Variants in ZFP1 observed in about 807,000 individuals in gnomAD.
ZFP1 encodes the protein ZFP1 zinc finger protein.
Under a neutral mutation model 38.5 loss-of-function variants are expected in ZFP1, and 32 were observed. The observed-to-expected ratio is 0.83, with a 90% CI of 0.63 to 1.12. ZFP1 has a LOEUF of 1.12. Ranked by LOEUF, ZFP1 falls within the 50% of genes most tolerant of loss-of-function variation. The probability of loss-of-function intolerance (pLI) is 0.00; values close to 1 mark genes in which losing one functional copy is unlikely to be tolerated. For synonymous variants in ZFP1, 245 were observed against 168.8 expected (o/e 1.45, Z -3.50); for missense variants, 616 against 480.8 (o/e 1.28, Z -2.63).
intron 2 of ZFP1, among the ~76,000 whole-genome samples, chr16:75,158,348 T>G (rs1408193425): frequency 6.6e-6 from 1 of 151,654 alleles, no homozygotes; most frequent in Non-Finnish European, 1.5e-5. Context: ...TTTTTTTTTT[T>G]TAATTTTTTT....
At chr16:75,119,400 C>CT in the ZFP1 span, among the ~76,000 whole-genome samples, 3,686 of 148,888 alleles carry the variant, frequency 0.025, 103 homozygotes, top group African/African-American at 0.066. Flanking sequence ...TACAACTCCT[C>CT]TTTTTTTTTT....
chr16:75,153,766 A>G (rs2037329801), intron 2 of ZFP1, among the ~76,000 whole-genome samples: 1 of 152,216 alleles, frequency 6.6e-6, no homozygotes, highest in South Asian at 2.1e-4. Context: ...TTTGACCAAT[A>G]TATAATGACA....
chr16:75,145,934 C>T (rs572047741), upstream of ZFP1, among the ~76,000 whole-genome samples: 4 of 152,296 alleles, frequency 2.6e-5, no homozygotes, highest in East Asian at 7.7e-4. Context: ...TGGATGGCAA[C>T]TGCTAGAAGA....
chr16:75,144,354 A>G (rs1597021320), upstream of ZFP1, among the ~76,000 whole-genome samples: 1 of 152,224 alleles, frequency 6.6e-6, no homozygotes, highest in African/African-American at 2.4e-5. Context: ...TCAATGAAAT[A>G]ACCCCCACGT....
intron 2 of ZFP1, among the ~76,000 whole-genome samples, chr16:75,154,025 T>A (rs914894402): frequency 6.6e-6 from 1 of 152,192 alleles, no homozygotes; most frequent in African/African-American, 2.4e-5. Flanking sequence ...AAGACAATGC[T>A]GGCCAACACG....
the ZFP1 span, among the ~76,000 whole-genome samples, chr16:75,125,535 A>G: frequency 1.4e-4 from 21 of 151,946 alleles, no homozygotes; most frequent in Admixed American, 9.8e-4. Context: ...TGTTTGTCAG[A>G]CTGGTCTTGA....
chr16:75,148,747 A>C (rs1475900144), intron 1 of ZFP1, 104 bp downstream of exon 1: 1 of 152,164 alleles, frequency 6.6e-6, no homozygotes, highest in Non-Finnish European at 1.5e-5. Context: ...AACTTCGGCT[A>C]CTCGTAGGCG....
At chr16:75,162,628 G>A (rs1344143021) in intron 2 of ZFP1, among the ~76,000 whole-genome samples, 1 of 152,170 alleles carries the variant, frequency 6.6e-6, no homozygotes, top group Non-Finnish European at 1.5e-5. Context: ...TCACCAAGTA[G>A]TGAGAATAGT....
chr16:75,166,367 G>A (rs887478005), intron 2 of ZFP1, among the ~76,000 whole-genome samples: 2 of 152,152 alleles, frequency 1.3e-5, no homozygotes, highest in Non-Finnish European at 2.9e-5. Flanking sequence ...CCACGTAGCT[G>A]GGAGTACAGG....
the ZFP1 span, among the ~76,000 whole-genome samples, chr16:75,135,271 A>G: frequency 4.6e-4 from 24 of 51,642 alleles, no homozygotes; most frequent in African/African-American, 1.9e-3. Flanking sequence ...ACTCATTCAT[A>G]CAGTGGAACG....
the ZFP1 span, among the ~76,000 whole-genome samples, chr16:75,133,168 G>A: frequency 7.0e-6 from 1 of 143,094 alleles, no homozygotes; most frequent in African/African-American, 2.6e-5. Flanking sequence ...GTAGAGACAG[G>A]GTTTCGCCAT....
Position 75,166,785 on chromosome 16 carries a change from A to C in ZFP1, c.31A>C (p.Thr11Pro). Reference sequence around the variant, plus strand: ...GCCATTTCAGGGATCAGTTTCATTCACGGATGTGACTGTGGACTTTACCCA... The same window carrying C: ...GCCATTTCAGGGATCAGTTTCATTCCCGGATGTGACTGTGGACTTTACCCA... Reference protein sequence around the residue: MNKSQGSVSFTDVTVDFTQEE... With the variant: MNKSQGSVSFPDVTVDFTQEE... The change falls in exon 3 of 4, where the codon ACG becomes CCG. Residue 11 changes from threonine to proline, a missense_variant. By Grantham distance (38) the Thr-to-Pro change is conservative. Transcript: ENST00000570010. 1 of 1,614,194 alleles carries C rather than the reference A, an allele frequency of 6.2e-7. No individual in the cohort carries two copies. The highest frequency in any genetic ancestry group is 2.2e-5 in the East Asian group (1 of 44,878).
intron 3 of ZFP1, among the ~76,000 whole-genome samples, chr16:75,168,874 A>G (rs2038251993): frequency 6.6e-6 from 1 of 152,160 alleles, no homozygotes; most frequent in African/African-American, 2.4e-5. Flanking sequence ...TCATCTGCTT[A>G]CTTTCTCGGT....
In ZFP1 at chr16:75,169,554, A is replaced by G. The variant is rs1425949274; in HGVS notation, c.444A>G (p.Lys148=). 2.5e-6 allele frequency: 4 copies of G among 1,612,010 alleles called. No homozygotes were observed. The highest frequency in any genetic ancestry group is 1.3e-5 in the African/African-American group (1 of 74,722). The part of the protein sequence containing the change: ...GKALLYLKQE[K]THSGVEYSEY... ...CACTTCTCTACCTGAAGCAAGAGAAAACCCACAGTGGAGTAGAATATTCTG... is the reference window on the plus strand; with the variant it reads ...CACTTCTCTACCTGAAGCAAGAGAAGACCCACAGTGGAGTAGAATATTCTG... The change falls in exon 4 of 4, where the codon AAA becomes AAG. Residue 148 remains lysine, a synonymous_variant. Transcript: ENST00000570010.
intron 1 of ZFP1, 93 bp from the exon 2 acceptor site, chr16:75,152,816 G>T: frequency 8.5e-7 from 1 of 1,175,236 alleles, no homozygotes; most frequent in African/African-American, 1.6e-5. Flanking sequence ...ATTTTCCCAG[G>T]TGGTCTCTAG....
the ZFP1 span, among the ~76,000 whole-genome samples, chr16:75,120,150 T>TGTGTGTGTGCGCATGTGC: frequency 6.6e-6 from 1 of 152,324 alleles, no homozygotes; most frequent in East Asian, 1.9e-4. Context: ...GTGTGGTGTG[T>TGTGTGTGTGCGCATGTGC]GTGTGTGTGC....
the ZFP1 span, among the ~76,000 whole-genome samples, chr16:75,131,661 G>T: frequency 6.6e-6 from 1 of 152,018 alleles, no homozygotes; most frequent in African/African-American, 2.4e-5. Flanking sequence ...TACCTGGATT[G>T]TCTCAAAAAA....
chr16:75,135,260 C>CAAAAAGTGAATGGAAAAACCAACTGTA, the ZFP1 span, among the ~76,000 whole-genome samples: 1 of 130,120 alleles, frequency 7.7e-6, no homozygotes, highest in Non-Finnish European at 1.6e-5. Context: ...AGAGATCCTT[C>CAAAAAGTGAATGGAAAAACCAACTGTA]ACTCATTCAT....
intron 1 of ZFP1, among the ~76,000 whole-genome samples, chr16:75,149,915 G>A (rs2037101937): frequency 6.6e-6 from 1 of 151,608 alleles, no homozygotes. Flanking sequence ...AGTCCTCCTG[G>A]CTGGGATTAC....
Sources: gnomAD v4.1 joint callset for allele counts (sites outside exome capture counted in the v4.1 genomes callset) on GRCh38, gnomAD v4.1.1 for gene constraint, MANE v1.5 for transcripts, NCBI Gene and HGNC (gene_info 2026-07-23, HGNC 2026-07-21) for gene names.